The following METTL21A variants were observed in gnomAD, a reference collection of about 807,000 sequenced individuals.
METTL21A encodes the protein methyltransferase 21A, HSPA lysine.
In METTL21A, 22 loss-of-function variants were observed where a neutral mutation model predicts 20.9. That is an observed-to-expected ratio of 1.05 (90% CI 0.75 to 1.50). The LOEUF (loss-of-function observed/expected upper bound fraction) is 1.50, where lower values mean the gene tolerates loss of function less well. METTL21A is among the 40% of genes most tolerant of loss of function. The pLI, the probability that METTL21A is intolerant of heterozygous loss-of-function variation, is 0.00. For missense variants in METTL21A, 271 were observed against 266.8 expected, an observed-to-expected ratio of 1.02 and a Z score of -0.11; for synonymous variants, 93 against 102.0, an observed-to-expected ratio of 0.91 and a Z score of 0.53.
downstream of METTL21A, chr2:207,609,484 T>TG (rs530401403): frequency 2.6e-5 from 4 of 152,284 alleles, no homozygotes; most frequent in South Asian, 8.3e-4. Flanking sequence ...CAGAAGGTAC[T>TG]GGGGAAGCAA....
At chr2:207,605,837 A>C, downstream of METTL21A, among the ~76,000 whole-genome samples, 1 of 152,204 alleles carries the variant, frequency 6.6e-6, no homozygotes, top group East Asian at 1.9e-4. Context: ...TTATTTCTGA[A>C]TTATGGTTTT....
intron 2 of METTL21A, among the ~76,000 whole-genome samples, chr2:207,622,228 GCA>G (rs1173719436): frequency 6.7e-6 from 1 of 149,836 alleles, no homozygotes; most frequent in Non-Finnish European, 1.5e-5. Flanking sequence ...GAGTGCAGTG[GCA>G]CAATCTCAGC....
At chr2:207,598,833 A>G (rs2086599813) in intron 3 of METTL21A, 1 of 123,108 alleles carries the variant, frequency 8.1e-6, no homozygotes, top group Non-Finnish European at 1.6e-5. Flanking sequence ...GGGCGACTCC[A>G]TCTCAAAAAA....
intron 3 of METTL21A, among the ~76,000 whole-genome samples, chr2:207,594,268 A>C (rs2085679770): frequency 6.6e-6 from 1 of 152,144 alleles, no homozygotes; most frequent in African/African-American, 2.4e-5. Flanking sequence ...AATGAGTTTT[A>C]AGTATTCAGT....
chr2:207,607,766 T>A (rs914886583), downstream of METTL21A, among the ~76,000 whole-genome samples: 1 of 150,082 alleles, frequency 6.7e-6, no homozygotes, highest in Admixed American at 6.7e-5. Flanking sequence ...ATTATTTAAC[T>A]GCATAACTTT....
At position 207,587,732 on chromosome 2, in the gene METTL21A, C is replaced by G. The variant is rs192272945; in HGVS notation, c.260-5572G>C. 3.3e-5 allele frequency among the ~76,000 whole-genome samples: 5 copies of G among 152,102 alleles called. No homozygotes were observed. The South Asian group carries it at 6.2e-4, about 19-fold the overall frequency. On this transcript the variant is annotated intron_variant, in intron 3 of 3. Transcript: ENST00000425132. ...CCACATGTTCTCACTCATGTGGGAGCTAAAAATTTTTTGAGCTTATGGAAG... is the reference window on the plus strand; with the variant it reads ...CCACATGTTCTCACTCATGTGGGAGGTAAAAATTTTTTGAGCTTATGGAAG...
chr2:207,600,275 T>C (rs1352100790), intron 3 of METTL21A: 1 of 169,658 alleles, frequency 5.9e-6, no homozygotes, highest in Non-Finnish European at 1.3e-5. Flanking sequence ...ATACAGTATA[T>C]AATCTAAAGC....
At chr2:207,617,817 G>C (rs1366717477) in intron 3 of METTL21A, among the ~76,000 whole-genome samples, 1 of 152,184 alleles carries the variant, frequency 6.6e-6, no homozygotes, top group Non-Finnish European at 1.5e-5. Flanking sequence ...AGTGGACAGA[G>C]AGAGACAGAT....
chr2:207,590,242 C>CT (rs2084755949), intron 3 of METTL21A, among the ~76,000 whole-genome samples: 2 of 151,680 alleles, frequency 1.3e-5, no homozygotes, highest in Admixed American at 1.3e-4. Context: ...GTTTATTATT[C>CT]TTTTACTGTA....
intron 3 of METTL21A, chr2:207,615,693 T>TAA (rs755303520): frequency 4.0e-4 from 43 of 108,662 alleles, no homozygotes; most frequent in African/African-American, 7.5e-4. Flanking sequence ...AGACTCCGTC[T>TAA]AAAAAAAAAA....
chr2:207,601,291 C>T (rs1406172740), intron 3 of METTL21A: 1 of 185,426 alleles, frequency 5.4e-6, no homozygotes, highest in East Asian at 8.7e-5. Context: ...GTATTAGCAA[C>T]TTAAGAAATT....
At chr2:207,581,132 T>C (rs893399062), downstream of METTL21A, 28 of 213,782 alleles carry the variant, frequency 1.3e-4, no homozygotes, top group African/African-American at 5.6e-4. Flanking sequence ...AAAGGTTAAA[T>C]GGATTTGACC....
intron 3 of METTL21A, among the ~76,000 whole-genome samples, chr2:207,589,653 A>C (rs891343573): frequency 1.3e-5 from 2 of 152,092 alleles, no homozygotes; most frequent in East Asian, 1.9e-4. Flanking sequence ...AGTTTCTGAG[A>C]GTTTTCATCA....
chr2:207,585,644 C>G (rs949434309), intron 3 of METTL21A, among the ~76,000 whole-genome samples: 6 of 152,050 alleles, frequency 3.9e-5, no homozygotes, highest in Non-Finnish European at 7.4e-5. Context: ...GAAAACTCAG[C>G]AAGAAACAAC....
At chr2:207,619,723 ATCTTAT>A (rs1356125779) in intron 3 of METTL21A, among the ~76,000 whole-genome samples, 4 of 152,164 alleles carry the variant, frequency 2.6e-5, no homozygotes, top group East Asian at 1.9e-4. Context: ...TATCTGAAAT[ATCTTAT>A]TCTGACTTTC....
downstream of METTL21A, among the ~76,000 whole-genome samples, chr2:207,608,663 G>T (rs2088494894): frequency 6.6e-6 from 1 of 152,174 alleles, no homozygotes; most frequent in African/African-American, 2.4e-5. Flanking sequence ...CGGGCGCGGT[G>T]GCTCACGCCT....
intron 3 of METTL21A, among the ~76,000 whole-genome samples, chr2:207,594,889 TCTG>T (rs955300173): frequency 5.9e-5 from 9 of 152,146 alleles, no homozygotes; most frequent in Non-Finnish European, 8.8e-5. Flanking sequence ...ATGGGTATTT[TCTG>T]CTGGTGGTGG....
intron 3 of METTL21A, among the ~76,000 whole-genome samples, chr2:207,603,842 G>T (rs908853798): frequency 2.0e-5 from 3 of 152,158 alleles, no homozygotes; most frequent in African/African-American, 4.8e-5. Flanking sequence ...CTTTGCTTAA[G>T]CTGTAAGAAT....
chr2:207,621,337 T>C (rs1034037487), intron 3 of METTL21A, among the ~76,000 whole-genome samples: 10 of 152,238 alleles, frequency 6.6e-5, no homozygotes, highest in Non-Finnish European at 1.5e-5. Flanking sequence ...TAGTGGGGGC[T>C]AGCCCTCCCT....
Sources: gnomAD v4.1 joint callset for allele counts (sites outside exome capture counted in the v4.1 genomes callset) on GRCh38, gnomAD v4.1.1 for gene constraint, MANE v1.5 for transcripts, NCBI Gene and HGNC (gene_info 2026-07-23, HGNC 2026-07-21) for gene names.